The following ASH1L variants were observed in gnomAD, a reference collection of about 807,000 sequenced individuals.
The protein encoded by ASH1L is histone-lysine N-methyltransferase ASH1L.
In ASH1L, 23 loss-of-function variants were observed where a neutral mutation model predicts 269.0. That is an observed-to-expected ratio of 0.09 (90% CI 0.06 to 0.12). The LOEUF is 0.12. Ranked by LOEUF, ASH1L falls within the 10% of genes least tolerant of loss-of-function variation. The pLI is 1.00. For synonymous variants in ASH1L, 1,187 were observed against 1,253.5 expected (o/e 0.95, Z 1.12); for missense variants, 2,912 against 3,567.8 (o/e 0.82, Z 4.68).
At chr1:155,517,612 CA>C (rs1390400082) in intron 2 of ASH1L, among the ~76,000 whole-genome samples, 1 of 150,602 alleles carries the variant, frequency 6.6e-6, no homozygotes, top group Non-Finnish European at 1.5e-5. Flanking sequence ...CACTGTACTC[CA>C]GCCTAGGCGA....
intron 3 of ASH1L, among the ~76,000 whole-genome samples, chr1:155,470,514 A>G (rs1045034278): frequency 2.0e-5 from 3 of 151,280 alleles, no homozygotes; most frequent in African/African-American, 7.3e-5. Flanking sequence ...ATTCATATAC[A>G]TGTCTAAACT....
At chr1:155,511,150 A>C (rs1339536986) in intron 2 of ASH1L, among the ~76,000 whole-genome samples, 1 of 152,218 alleles carries the variant, frequency 6.6e-6, no homozygotes, top group East Asian at 1.9e-4. Flanking sequence ...TCTTAAAGGA[A>C]ATAAAGAAGA....
chr1:155,478,551 T>A lies in ASH1L; in HGVS notation c.4319A>T (p.His1440Leu). Residue 1440 changes from histidine (H) to leucine (L), a missense_variant, in exon 3 of 28, where the codon CAT (histidine) becomes CTT (leucine). By Grantham distance (99) the His-to-Leu change is moderately conservative (BLOSUM62 -3). Coordinates refer to ENST00000392403, the MANE Select transcript of ASH1L (RefSeq NM_018489.3). The surrounding 1 kb of genome is among the most constrained non-coding windows in gnomAD (Gnocchi z 4.6). ...TCGAAGTAGCTTATGCTTTTTCTTA[T>A]GGTATTTGGCAGGATTGAGAAGTAA... Reference protein sequence around the residue: ...GHLLLNPAKYHKKKHKLLRQE... With the variant: ...GHLLLNPAKYLKKKHKLLRQE... 6.2e-7 allele frequency: 1 copy of A among 1,614,080 alleles called. No homozygotes were observed. Among genetic ancestry groups the A allele is most frequent in the Non-Finnish European group, 8.5e-7 (1 of 1,180,002 alleles).
intron 2 of ASH1L, among the ~76,000 whole-genome samples, chr1:155,511,526 T>G (rs914924995): frequency 6.6e-6 from 1 of 152,176 alleles, no homozygotes; most frequent in Admixed American, 6.5e-5. Flanking sequence ...CAAGACTGTT[T>G]CTTGTTTGTT....
rs1665178114 is a variant in ASH1L at position 155,472,500 on chromosome 1, T to C, written c.4984+5386A>G. Among the ~76,000 whole-genome samples, 4 of 152,176 alleles carry C rather than the reference T, an allele frequency of 2.6e-5. 1 individual carries two copies. The highest frequency in any genetic ancestry group is 2.9e-5 in the Non-Finnish European group (2 of 68,028). ...TTCAACATCCTAACCTGTCATCTCA[T>C]ATCACCTTCACCTCAATTTACTCAT... On this transcript the variant is annotated intron_variant, in intron 3 of 27. Transcript: ENST00000392403.
intron 1 of ASH1L, among the ~76,000 whole-genome samples, chr1:155,543,986 T>C (rs749622638): frequency 6.6e-6 from 1 of 152,078 alleles, no homozygotes; most frequent in Non-Finnish European, 1.5e-5. Context: ...TGGATTTATT[T>C]TTTATTTTTA....
At chr1:155,381,850 C>T (rs572857295) in intron 7 of ASH1L, among the ~76,000 whole-genome samples, 196 of 151,730 alleles carry the variant, frequency 1.3e-3, no homozygotes, top group Non-Finnish European at 2.0e-3. Context: ...TCACGTACTG[C>T]ACTCCAGCCT....
intron 2 of ASH1L, among the ~76,000 whole-genome samples, chr1:155,510,442 A>G (rs952910661): frequency 1.3e-5 from 2 of 150,752 alleles, no homozygotes; most frequent in Non-Finnish European, 3.0e-5. Context: ...AAAAAATTAT[A>G]TAAGCCACAT....
intron 6 of ASH1L, 36 bp from the exon 7 acceptor site, chr1:155,395,589 C>G: frequency 2.6e-6 from 4 of 1,520,010 alleles, no homozygotes; most frequent in Non-Finnish European, 3.6e-6. Flanking sequence ...AGTCAAGAGG[C>G]AAAGAAATTT....
chr1:155,556,901 C>A (rs1038229971), intron 1 of ASH1L, among the ~76,000 whole-genome samples: 1 of 152,006 alleles, frequency 6.6e-6, no homozygotes, highest in East Asian at 1.9e-4. Flanking sequence ...ATTAGCCAGG[C>A]GTGGTGGCAT....
chr1:155,368,328 C>G (rs1032576176), intron 12 of ASH1L, among the ~76,000 whole-genome samples: 9 of 151,968 alleles, frequency 5.9e-5, no homozygotes, highest in African/African-American at 2.2e-4. Context: ...GAAGAATTAT[C>G]AGTGAAGACA....
At chr1:155,419,380 TAA>T (rs58876747) in intron 5 of ASH1L, 5 of 137,552 alleles carry the variant, frequency 3.6e-5, no homozygotes, top group African/African-American at 7.9e-5. Context: ...ACAAAAACAT[TAA>T]AAAAAAAAAA....
At chr1:155,384,960 T>G (rs1030684375) in intron 7 of ASH1L, among the ~76,000 whole-genome samples, 1 of 152,204 alleles carries the variant, frequency 6.6e-6, no homozygotes, top group Admixed American at 6.6e-5. Flanking sequence ...TAATTCTATT[T>G]TCTATGTTGT....
rs1220668981 is a variant in ASH1L, at chr1:155,532,949, G to GTA, written c.-99-11333_-99-11332dup. On this transcript the variant is annotated intron_variant, in intron 1 of 27. Transcript: ENST00000392403. ...TGTGTGCATATATATGTGTGTGTGT[G>GTA]TATATATATATGGGGGGAGAGAGAG... Among the ~76,000 whole-genome samples the GTA allele has an allele frequency of 1.9e-3, 229 of 119,212 alleles. 1 individual carries two copies. Among genetic ancestry groups the GTA allele is most frequent in the African/African-American group, 6.4e-3 (199 of 30,988 alleles). The allele number at this position is 119,212 out of a possible 152,430, so 78.2% of individuals were successfully genotyped here.
intron 2 of ASH1L, among the ~76,000 whole-genome samples, chr1:155,495,875 G>A (rs1318464794): frequency 6.6e-6 from 1 of 152,138 alleles, no homozygotes; most frequent in Non-Finnish European, 1.5e-5. Context: ...GCAGGAGCCT[G>A]TAATCTCAGC....
intron 25 of ASH1L, 36 bp from the exon 26 acceptor site, chr1:155,339,404 A>T (rs1433468392): frequency 6.2e-7 from 1 of 1,603,906 alleles, no homozygotes; most frequent in Non-Finnish European, 8.5e-7. Flanking sequence ...AGCATATTGT[A>T]GAAGCTGGGA....
At chr1:155,434,305 A>G (rs1375422465) in intron 5 of ASH1L, 3 of 1,565,676 alleles carry the variant, frequency 1.9e-6, no homozygotes, top group Non-Finnish European at 2.6e-6. Flanking sequence ...GGAGGGGAGG[A>G]GCTAGGGAAA....
At chr1:155,366,989 G>GTTTTTTT (rs896488958) in intron 12 of ASH1L, among the ~76,000 whole-genome samples, 5 of 124,186 alleles carry the variant, frequency 4.0e-5, no homozygotes, top group Admixed American at 8.8e-5. Context: ...AATGGGTTTG[G>GTTTTTTT]TTTTTTTTTT....
At chr1:155,370,250 T>C in intron 12 of ASH1L, 1 of 503,390 alleles carries the variant, frequency 2.0e-6, no homozygotes, top group Non-Finnish European at 3.6e-6. Context: ...ATCCTGAAAC[T>C]ACTTGCATGC....
Sources: gnomAD v4.1 joint callset for allele counts (sites outside exome capture counted in the v4.1 genomes callset) on GRCh38, gnomAD v4.1.1 for gene constraint, Gnocchi (gnomAD v3.1) non-coding constraint, MANE v1.5 for transcripts, NCBI Gene and HGNC (gene_info 2026-07-23, HGNC 2026-07-21) for gene names.